The following TGDS variants were observed in gnomAD, a reference collection of about 807,000 sequenced individuals.
TGDS encodes the protein TDP-glucose 4,6-dehydratase, also known as UDP-D-glucose 4,6-dehydratase.
In TGDS, 47 loss-of-function variants were observed where a neutral mutation model predicts 52.3. That is an observed-to-expected ratio of 0.90 (90% CI 0.71 to 1.15). TGDS has a LOEUF of 1.15. TGDS is among the 50% of genes most tolerant of loss of function. TGDS has a pLI of 0.00. For synonymous variants in TGDS, 115 were observed against 136.9 expected (o/e 0.84, Z 1.12); for missense variants, 375 against 418.4 (o/e 0.90, Z 0.90).
At chr13:94,576,240 A>T (rs552702145) in intron 11 of TGDS, 74 bp downstream of exon 11, 4 of 1,019,548 alleles carry the variant, frequency 3.9e-6, no homozygotes, top group Non-Finnish European at 5.7e-6. Context: ...TGGTTTGTAT[A>T]ATGTTCTGGA....
Position 94,596,119 on chromosome 13 carries a change from C to T in TGDS, c.18G>A (p.Trp6Ter). 6.2e-7 allele frequency: 1 copy of T among 1,614,138 alleles called. No homozygotes were observed. Among genetic ancestry groups the T allele is most frequent in the Non-Finnish European group, 8.5e-7 (1 of 1,179,998 alleles). ...CGCCGGGAAGACCCCACGGTTCCTCCCAACACGCCGCCGACATCTCCCAGC... is the reference window on the plus strand; with the variant it reads ...CGCCGGGAAGACCCCACGGTTCCTCTCAACACGCCGCCGACATCTCCCAGC... MSAAC[W>*]EEPWGLPGGF... is the part of the protein sequence containing the mutation. The change falls in exon 1 of 12, where the codon TGG becomes TGA. Residue 6 changes from tryptophan to a stop codon, truncating the protein, a stop_gained. Transcript: ENST00000261296. LOFTEE classifies it high-confidence loss of function.
At position 94,596,128 on chromosome 13, in the gene TGDS, C is replaced by G. The variant is rs1889371849; in HGVS notation, c.9G>C (p.Ala3=). ...GACCCCACGGTTCCTCCCAACACGC[C>G]GCCGACATCTCCCAGCTCAGCAGTG... MS[A]ACWEEPWGLP... The change falls in exon 1 of 12, where the codon GCG becomes GCC. Residue 3 remains alanine (A), a synonymous_variant. Transcript: ENST00000261296. The G allele has an allele frequency of 6.2e-7, 1 of 1,613,976 alleles. No homozygotes were observed. Among genetic ancestry groups the G allele is most frequent in the Non-Finnish European group, 8.5e-7 (1 of 1,179,986 alleles).
rs551037275 is a variant in TGDS, at chr13:94,589,582, G to C, written c.313+1271C>G. ...ACCCGCCTCAGCCTCCCAAAGTTCT[G>C]GGATTACAGGCGTGAGCCACCGCTC... On this transcript the variant is annotated intron_variant, in intron 4 of 11. Transcript: ENST00000261296. 3.0e-3 allele frequency among the ~76,000 whole-genome samples: 464 copies of C among 152,190 alleles called. 1 individual carries two copies. Among genetic ancestry groups the C allele is most frequent in the African/African-American group, 0.01 (432 of 41,530 alleles).
intron 4 of TGDS, among the ~76,000 whole-genome samples, chr13:94,585,736 G>A (rs1888953383): frequency 6.7e-6 from 1 of 150,120 alleles, no homozygotes; most frequent in East Asian, 2.0e-4. Flanking sequence ...GGAGGCAGAG[G>A]TTGCAGTAAG....
chr13:94,575,303 TTTTA>T (rs1283367693), intron 11 of TGDS, among the ~76,000 whole-genome samples: 2 of 150,440 alleles, frequency 1.3e-5, no homozygotes, highest in Non-Finnish European at 3.0e-5. Context: ...TTTTTTTTTT[TTTTA>T]AAGAGATGGG....
chr13:94,589,319 C>CTTT (rs36115215), intron 4 of TGDS, among the ~76,000 whole-genome samples: 1,551 of 146,658 alleles, frequency 0.011, 38 homozygotes, highest in African/African-American at 0.035. Flanking sequence ...CAAAAGATTT[C>CTTT]TTTTTTTTTT....
rs144222320 is a variant in TGDS at position 94,588,291 on chromosome 13, C to T, written c.313+2562G>A. On this transcript the variant is annotated intron_variant, in intron 4 of 11. Transcript: ENST00000261296. ...ATACAAAATTAGCTGGGCGTGGTGG[C>T]GCATGCCTGTAATCCTAGCTACTCA... Among the ~76,000 whole-genome samples, 853 of 151,430 alleles carry T rather than the reference C, an allele frequency of 5.6e-3. 7 individuals carry two copies. Among genetic ancestry groups the T allele is most frequent in the African/African-American group, 0.019 (772 of 41,340 alleles).
At chr13:94,590,588 C>T (rs546852705) in intron 4 of TGDS, among the ~76,000 whole-genome samples, 32 of 152,224 alleles carry the variant, frequency 2.1e-4, no homozygotes, top group Admixed American at 2.0e-3. Context: ...ATACAGTTGA[C>T]GGCCCATCTC....
At chr13:94,575,650 T>A (rs1233726910) in intron 11 of TGDS, among the ~76,000 whole-genome samples, 1 of 152,182 alleles carries the variant, frequency 6.6e-6, no homozygotes, top group Non-Finnish European at 1.5e-5. Context: ...AAAGCTTTTT[T>A]AGTTTAAAGA....
At chr13:94,596,012 C>CT in intron 1 of TGDS, 39 bp downstream of exon 1, 1 of 1,612,016 alleles carries the variant, frequency 6.2e-7, no homozygotes, top group Non-Finnish European at 8.5e-7. Context: ...GTAGGGGTTT[C>CT]TGGGGAGCCA....
intron 1 of TGDS, among the ~76,000 whole-genome samples, chr13:94,594,632 C>T (rs191842558): frequency 7.2e-4 from 110 of 152,290 alleles, no homozygotes; most frequent in African/African-American, 2.5e-3. Context: ...TTGTATTCGG[C>T]ATTCCTTTCA....
intron 11 of TGDS, among the ~76,000 whole-genome samples, chr13:94,575,546 TC>T (rs1173428238): frequency 1.3e-5 from 2 of 152,092 alleles, no homozygotes; most frequent in African/African-American, 4.8e-5. Context: ...CACTTTGGTC[TC>T]CAAAGTGCTG....
chr13:94,581,191 T>G lies in TGDS; in HGVS notation c.457-2A>C, dbSNP rs1888779255. The G allele has an allele frequency of 6.5e-7, 1 of 1,548,514 alleles. No homozygotes were observed. The highest frequency in any genetic ancestry group is 1.8e-5 in the Admixed American group (1 of 54,970). ...TTTGGGTGAAGATTCATCAAATTCC[T>G]ATTTTTAAAAATATATATTTAAAAA... On this transcript the variant is annotated splice_acceptor_variant, in intron 5 of 11. Coordinates refer to ENST00000261296, the MANE Select transcript of TGDS (RefSeq NM_014305.4). LOFTEE classifies it high-confidence loss of function.
At chr13:94,596,012 C>T in intron 1 of TGDS, 39 bp downstream of exon 1, 1 of 1,612,016 alleles carries the variant, frequency 6.2e-7, no homozygotes, top group Non-Finnish European at 8.5e-7. Flanking sequence ...GTAGGGGTTT[C>T]TGGGGAGCCA....
chr13:94,576,869 A>G (rs1271232484), intron 10 of TGDS, among the ~76,000 whole-genome samples: 2 of 152,174 alleles, frequency 1.3e-5, no homozygotes, highest in Non-Finnish European at 2.9e-5. Flanking sequence ...TTCAGAGGCC[A>G]AGGAGGGCGG....
intron 4 of TGDS, among the ~76,000 whole-genome samples, chr13:94,587,396 G>A (rs928979849): frequency 1.3e-5 from 2 of 152,118 alleles, no homozygotes; most frequent in African/African-American, 4.8e-5. Flanking sequence ...CAGGGTGGGA[G>A]GTTTGCTTTG....
intron 6 of TGDS, 88 bp downstream of exon 6, chr13:94,581,003 G>T (rs1476948727): frequency 2.6e-6 from 2 of 772,424 alleles, no homozygotes; most frequent in Admixed American, 6.0e-5. Context: ...AAAATATTTT[G>T]AAAAAAAGAA....
chr13:94,577,675 G>T (rs1302613718), intron 9 of TGDS, among the ~76,000 whole-genome samples: 2 of 151,990 alleles, frequency 1.3e-5, no homozygotes, highest in East Asian at 3.9e-4. Context: ...TAAAATTGAT[G>T]TCCCCTAATA....
rs550216278 is a variant in TGDS at position 94,580,081 on chromosome 13, GA to G, written c.556-129del. 4.0e-3 allele frequency: 2,218 copies of G among 552,662 alleles called. 5 individuals are homozygous for G. Among genetic ancestry groups the G allele is most frequent in the Admixed American group, 6.3e-3 (176 of 27,732 alleles). The allele number at this position is 552,662 out of a possible 1,614,324, so 34.2% of individuals were successfully genotyped here. A position where few individuals can be genotyped will look rare whatever the true frequency, so the allele number is the denominator to read the frequency against. On this transcript the variant is annotated intron_variant, in intron 6 of 11. Transcript: ENST00000261296. The stretch of plus-strand genomic sequence containing the variant: ...ATTCCACACACCTTAAGGTCAAAGG[GA>G]AGAGATTTTTTTCTAACGTAAGGTT...
Sources: allele counts gnomAD v4.1 joint callset (sites outside exome capture counted in the v4.1 genomes callset), GRCh38; gene constraint gnomAD v4.1.1; transcripts MANE v1.5; gene names NCBI Gene and HGNC (gene_info 2026-07-23, HGNC 2026-07-21).